The following SPTB variants were observed in gnomAD, a reference collection of about 807,000 sequenced individuals.
SPTB encodes the protein spectrin beta chain, erythrocytic.
SPTB carries 45 observed loss-of-function variants against 256.2 expected under a neutral mutation model. The observed-to-expected ratio is 0.18, with a 90% confidence interval of 0.14 to 0.23. The LOEUF (loss-of-function observed/expected upper bound fraction) is 0.23, where lower values mean the gene tolerates loss of function less well. SPTB is among the 10% of genes least tolerant of loss of function. SPTB has a pLI of 1.00. For synonymous variants in SPTB, 1,231 were observed against 1,243.1 expected (o/e 0.99, Z 0.21); for missense variants, 2,715 against 3,040.4 (o/e 0.89, Z 2.52).
intron 32 of SPTB, chr14:64,756,642 T>A (rs1261176979): frequency 1.3e-5 from 2 of 152,190 alleles, no homozygotes; most frequent in Non-Finnish European, 2.9e-5. Flanking sequence ...TACTACTTGG[T>A]CTCTTGGCCG....
intron 32 of SPTB, chr14:64,755,499 G>A (rs74058210): frequency 0.055 from 8,415 of 152,266 alleles, 277 homozygotes; most frequent in Non-Finnish European, 0.057. Flanking sequence ...TTAAAGAAAG[G>A]GTTATGTGGC....
intron 1 of SPTB, among the ~76,000 whole-genome samples, chr14:64,876,428 C>A (rs561334931): frequency 3.2e-4 from 49 of 152,238 alleles, no homozygotes; most frequent in Admixed American, 5.9e-4. Flanking sequence ...ATGTTTCCTA[C>A]CTTTTCAGGT....
rs1443096140 is a variant in SPTB, at chr14:64,825,637, G to A, written c.-51-2492C>T. ...TGAGATCAGACCCTGAGTGCAGGAA[G>A]TAACCGGACCCTGGCTCTCCTGATT... On this transcript the variant is annotated intron_variant, in intron 1 of 35. Coordinates refer to ENST00000644917, the MANE Select transcript of SPTB (RefSeq NM_001355436.2). The surrounding 1 kb of genome is among the most constrained non-coding windows in gnomAD (Gnocchi z 4.8). Among the ~76,000 whole-genome samples the A allele has an allele frequency of 2.0e-5, 3 of 152,244 alleles. No individual in the cohort carries two copies. The highest frequency in any genetic ancestry group is 4.4e-5 in the Non-Finnish European group (3 of 68,046).
Position 64,790,863 on chromosome 14 carries a change from A to AC in SPTB, c.2804+855dup, listed in dbSNP as rs1269401457. 1.3e-5 allele frequency among the ~76,000 whole-genome samples: 2 copies of AC among 151,800 alleles called. No individual in the cohort carries two copies. Among genetic ancestry groups the AC allele is most frequent in the African/African-American group, 2.4e-5 (1 of 41,288 alleles). Reference sequence around the variant, plus strand: ...GGCAATTTCACCCCACACTGAAAGCACCCCCTCTCTAAAGGCTCCTTGGGG... The same window carrying AC: ...GGCAATTTCACCCCACACTGAAAGCACCCCCCTCTCTAAAGGCTCCTTGGGG... On this transcript the variant is annotated intron_variant, in intron 15 of 35. Coordinates refer to ENST00000644917, the MANE Select transcript of SPTB (RefSeq NM_001355436.2). The surrounding 1 kb of genome is among the most constrained non-coding windows in gnomAD (Gnocchi z 4.8).
rs1003552388 is a variant in SPTB, at chr14:64,873,264, C to T, written c.-52+6528G>A. Among the ~76,000 whole-genome samples the T allele has an allele frequency of 1.4e-4, 21 of 152,324 alleles. No homozygotes were observed. Among genetic ancestry groups the T allele is most frequent in the African/African-American group, 3.4e-4 (14 of 41,556 alleles). ...TCCCCCAACTACAATGTGCACTCTACGACTTCAGACATTTTTGCCACATTC... is the reference window on the plus strand; with the variant it reads ...TCCCCCAACTACAATGTGCACTCTATGACTTCAGACATTTTTGCCACATTC... On this transcript the variant is annotated intron_variant, in intron 1 of 35. Transcript: ENST00000644917. The surrounding 1 kb of genome is among the most constrained non-coding windows in gnomAD (Gnocchi z 4.3).
At chr14:64,832,430 C>G (rs937372230) in intron 1 of SPTB, among the ~76,000 whole-genome samples, 1 of 152,204 alleles carries the variant, frequency 6.6e-6, no homozygotes, top group African/African-American at 2.4e-5. Context: ...GGCTACTCTT[C>G]CTTGGCCTGT....
Position 64,790,808 on chromosome 14 carries a change from G to A in SPTB, c.2804+911C>T, listed in dbSNP as rs771232986. On this transcript the variant is annotated intron_variant, in intron 15 of 35. Transcript: ENST00000644917. This position sits in a 1 kb window ranked among gnomAD's most constrained non-coding sequence, Gnocchi z 4.8. Reference sequence around the variant, plus strand: ...AAGACAGGGAATGCAGGCATTTGCGGTGTCCTCAAAGATCCTCCAGGAACT... The same window carrying A: ...AAGACAGGGAATGCAGGCATTTGCGATGTCCTCAAAGATCCTCCAGGAACT... Among the ~76,000 whole-genome samples the A allele has an allele frequency of 6.6e-6, 1 of 152,208 alleles. No homozygotes were observed. The highest frequency in any genetic ancestry group is 1.9e-4 in the East Asian group (1 of 5,186).
intron 1 of SPTB, among the ~76,000 whole-genome samples, chr14:64,832,449 T>C (rs575435204): frequency 1.3e-5 from 2 of 152,340 alleles, no homozygotes; most frequent in Admixed American, 1.3e-4. Context: ...GTCTCTTAAA[T>C]AGTGATGCTC....
Position 64,774,502 on chromosome 14 carries a change from A to G in SPTB, c.4868T>C (p.Leu1623Pro). ...PKDEEGAIVM[L>P]KRHLRQQRAV... ...ACGCTGCTGCCGCAAATGTCGCTTCAGCATCACAATGGCGCCCTCTTCATC... is the reference window on the plus strand; with the variant it reads ...ACGCTGCTGCCGCAAATGTCGCTTCGGCATCACAATGGCGCCCTCTTCATC... Residue 1623 changes from leucine (L) to proline (P), a missense_variant, in exon 24 of 36, where the codon CTG (leucine) becomes CCG (proline). By Grantham distance (98) the Leu-to-Pro change is moderately conservative. Transcript: ENST00000644917. 15 of 1,554,910 alleles carry G rather than the reference A, an allele frequency of 9.6e-6. No homozygotes were observed. The highest frequency in any genetic ancestry group is 1.3e-5 in the Non-Finnish European group (15 of 1,148,866).
At chr14:64,817,246 A>C (rs1396346423) in intron 2 of SPTB, among the ~76,000 whole-genome samples, 1 of 152,214 alleles carries the variant, frequency 6.6e-6, no homozygotes, top group Non-Finnish European at 1.5e-5. Context: ...GGTAGCTGGC[A>C]GGTTTATCTA....
chr14:64,774,701 C>T (rs1445476606), intron 23 of SPTB, among the ~76,000 whole-genome samples, 174 bp from the exon 24 acceptor site: 2 of 152,148 alleles, frequency 1.3e-5, no homozygotes, highest in Non-Finnish European at 2.9e-5. Context: ...CCAGCAATGC[C>T]CGTGCCCTAC....
Position 64,802,467 on chromosome 14 carries a change from G to A in SPTB, c.475-150C>T. 1 of 746,864 alleles carries A rather than the reference G, an allele frequency of 1.3e-6. No homozygotes were observed. The highest frequency in any genetic ancestry group is 2.3e-6 in the Non-Finnish European group (1 of 425,654). The allele number at this position is 746,864 out of a possible 1,614,324, so 46.3% of individuals were successfully genotyped here. A position where few individuals can be genotyped will look rare whatever the true frequency, so the allele number is the denominator to read the frequency against. The stretch of plus-strand genomic sequence containing the variant: ...CCAGTATAAATGGCGCTTGGGTTGG[G>A]TCTCCCTTCATGTGCCCTGCTCCCT... On this transcript the variant is annotated intron_variant, in intron 4 of 35. Coordinates refer to ENST00000644917, the MANE Select transcript of SPTB (RefSeq NM_001355436.2). This position sits in a 1 kb window ranked among gnomAD's most constrained non-coding sequence, Gnocchi z 5.1.
At position 64,790,670 on chromosome 14, in the gene SPTB, C is replaced by G. The variant is rs2082653564; in HGVS notation, c.2804+1049G>C. ...CTTTACAATGGAGTCTTCCCTAGGCCCACCTCCCAGATTGCCTCAGGCAGA... is the reference window on the plus strand; with the variant it reads ...CTTTACAATGGAGTCTTCCCTAGGCGCACCTCCCAGATTGCCTCAGGCAGA... On this transcript the variant is annotated intron_variant, in intron 15 of 35. Coordinates refer to ENST00000644917, the MANE Select transcript of SPTB (RefSeq NM_001355436.2). This position sits in a 1 kb window ranked among gnomAD's most constrained non-coding sequence, Gnocchi z 4.8. 6.6e-6 allele frequency among the ~76,000 whole-genome samples: 1 copy of G among 152,176 alleles called. No homozygotes were observed. Among genetic ancestry groups the G allele is most frequent in the African/African-American group, 2.4e-5 (1 of 41,440 alleles).
chr14:64,767,245 A>C (rs957816747), intron 31 of SPTB, 58 bp downstream of exon 31: 1 of 1,605,882 alleles, frequency 6.2e-7, no homozygotes, highest in African/African-American at 1.3e-5. Context: ...GATGAAAGGC[A>C]CCCCCTACTC....
intron 1 of SPTB, among the ~76,000 whole-genome samples, chr14:64,828,361 A>G (rs1471259713): frequency 6.6e-6 from 1 of 152,172 alleles, no homozygotes; most frequent in Non-Finnish European, 1.5e-5. Flanking sequence ...TGGTTGGGGA[A>G]CAGGTGCTAC....
At position 64,794,498 on chromosome 14, in the gene SPTB, G is replaced by A. The variant is rs150644201; in HGVS notation, c.1764C>T (p.Thr588=). The A allele has an allele frequency of 2.7e-5, 43 of 1,614,054 alleles. No individual in the cohort carries two copies. Among genetic ancestry groups the A allele is most frequent in the African/African-American group, 4.0e-5 (3 of 74,908 alleles). The change falls in exon 13 of 36, where the codon ACC becomes ACT. Residue 588 remains threonine (T), a synonymous_variant. Coordinates refer to ENST00000644917, the MANE Select transcript of SPTB (RefSeq NM_001355436.2). ...AIQGDKVKAI[T]AATLKFTEGK... ...CCTCGGTGAACTTCAGGGTGGCTGC[G>A]GTGATGGCCTTCACTTTGTCCCCTT...
At chr14:64,877,048 C>T (rs1882857470) in intron 1 of SPTB, among the ~76,000 whole-genome samples, 1 of 151,974 alleles carries the variant, frequency 6.6e-6, no homozygotes, top group Admixed American at 6.6e-5. Context: ...ATAGTGTTTG[C>T]CTCATGAATT....
At position 64,793,156 on chromosome 14, in the gene SPTB, T is replaced by C; in HGVS notation, c.2507A>G (p.Gln836Arg). Residue 836 changes from glutamine (Q) to arginine (R), a missense_variant, in exon 14 of 36, where the codon CAG (glutamine) becomes CGG (arginine). Coordinates refer to ENST00000644917, the MANE Select transcript of SPTB (RefSeq NM_001355436.2). This position sits in a 1 kb window ranked among gnomAD's most constrained non-coding sequence, Gnocchi z 7.0. ...CAGCCTCTGCTGACGCAGGTCCGCC[T>C]GGGCCACCACCTGTTGGTAGAGCTC... ...LRELYQQVVAQADLRQQRLQE... is the reference protein window; with the variant it reads ...LRELYQQVVARADLRQQRLQE... 1 of 1,614,034 alleles carries C rather than the reference T, an allele frequency of 6.2e-7. No individual in the cohort carries two copies. The highest frequency in any genetic ancestry group is 8.5e-7 in the Non-Finnish European group (1 of 1,180,040).
chr14:64,869,155 C>T (rs1288414079), intron 1 of SPTB, among the ~76,000 whole-genome samples: 1 of 152,114 alleles, frequency 6.6e-6, no homozygotes, highest in Admixed American at 6.5e-5. Context: ...CCAGCTATTA[C>T]CTTACTTGGT....
Sources: gnomAD v4.1 joint callset for allele counts (sites outside exome capture counted in the v4.1 genomes callset) on GRCh38, gnomAD v4.1.1 for gene constraint, Gnocchi (gnomAD v3.1) non-coding constraint, MANE v1.5 for transcripts, NCBI Gene and HGNC (gene_info 2026-07-23, HGNC 2026-07-21) for gene names.